FAM168B: variants seen among roughly 807,000 people sequenced by gnomAD.
FAM168B encodes the protein myelin-associated neurite-outgrowth inhibitor.
In FAM168B, 19 loss-of-function variants were observed where a neutral mutation model predicts 21.8. The ratio of observed to expected loss-of-function variants is 0.87; its 90% confidence interval spans 0.61 to 1.28. The LOEUF is 1.28. FAM168B is among the 50% of genes most tolerant of loss of function. FAM168B has a pLI of 0.00. For synonymous variants in FAM168B, 126 were observed against 104.8 expected (o/e 1.20, Z -1.24); for missense variants, 233 against 263.1 (o/e 0.89, Z 0.79).
chr2:131,064,380 T>TGAA (rs1692452734), intron 3 of FAM168B, among the ~76,000 whole-genome samples: 2 of 152,064 alleles, frequency 1.3e-5, no homozygotes, highest in South Asian at 4.1e-4. Context: ...AAACACAGCA[T>TGAA]CATGAAATTT....
At chr2:131,055,732 G>A in intron 3 of FAM168B, 37 bp from the exon 4 acceptor site, 1 of 1,603,848 alleles carries the variant, frequency 6.2e-7, no homozygotes, top group Non-Finnish European at 8.5e-7. Context: ...GTTCACCCAA[G>A]CCGGTCCAGG....
intron 3 of FAM168B, among the ~76,000 whole-genome samples, chr2:131,060,096 G>A (rs1163399103): frequency 6.6e-6 from 1 of 152,028 alleles, no homozygotes; most frequent in Non-Finnish European, 1.5e-5. Context: ...CACCATCTTG[G>A]CTCACTGCAA....
intron 3 of FAM168B, among the ~76,000 whole-genome samples, chr2:131,070,353 T>C (rs1220959291): frequency 6.6e-6 from 1 of 152,214 alleles, no homozygotes; most frequent in African/African-American, 2.4e-5. Context: ...AAGATACTGC[T>C]ACACATTCAC....
In FAM168B at chr2:131,048,861, G is replaced by A. The variant is rs1691464671; in HGVS notation, c.*3604C>T. ...CCACACCCCTGCCACCTGCTGCTGC[G>A]CCCAATGGAGGTCCTGTCCTGTCCG... On this transcript the variant is annotated 3_prime_UTR_variant, in exon 7 of 7. Transcript: ENST00000389915. 1.7e-5 allele frequency: 17 copies of A among 986,128 alleles called. No homozygotes were observed. The highest frequency in any genetic ancestry group is 2.0e-5 in the Non-Finnish European group (17 of 830,232). 61.1% of individuals were successfully genotyped at this position (986,128 alleles called of 1,614,324 possible).
In FAM168B at chr2:131,091,209, T is replaced by G. The variant is rs1295396392; in HGVS notation, c.-12+2005A>C. On this transcript the variant is annotated intron_variant, in intron 1 of 6. Transcript: ENST00000389915. Reference sequence around the variant, plus strand: ...CAAACATTACCTGGGCAGGGTGGCATGTGCCTGTAATCTCAGCTACTCCGG... The same window carrying G: ...CAAACATTACCTGGGCAGGGTGGCAGGTGCCTGTAATCTCAGCTACTCCGG... Among the ~76,000 whole-genome samples the G allele has an allele frequency of 2.0e-5, 3 of 152,082 alleles. No individual in the cohort carries two copies. The South Asian group carries it at 6.2e-4, about 32-fold the overall frequency.
chr2:131,054,290 T>C (rs1691876887), intron 5 of FAM168B, among the ~76,000 whole-genome samples: 1 of 151,098 alleles, frequency 6.6e-6, no homozygotes, highest in Admixed American at 6.6e-5. Context: ...CTGAGTTCTT[T>C]AAGAGAAATC....
At chr2:131,086,823 T>C (rs1324363198) in intron 1 of FAM168B, among the ~76,000 whole-genome samples, 1 of 95,108 alleles carries the variant, frequency 1.1e-5, no homozygotes, top group Non-Finnish European at 1.9e-5. Context: ...CCCAGCACTT[T>C]GGGAGGCCGA....
chr2:131,065,988 C>T (rs1285527911), intron 3 of FAM168B, among the ~76,000 whole-genome samples: 1 of 151,902 alleles, frequency 6.6e-6, no homozygotes, highest in Non-Finnish European at 1.5e-5. Flanking sequence ...CCAATTATTG[C>T]CCTTAGAATA....
chr2:131,092,241 T>C (rs1220826816), intron 1 of FAM168B, among the ~76,000 whole-genome samples: 1 of 151,772 alleles, frequency 6.6e-6, no homozygotes, highest in South Asian at 2.1e-4. Context: ...TCCACCAAAG[T>C]AAGCCTGCTT....
chr2:131,089,208 C>G (rs542414419), intron 1 of FAM168B, among the ~76,000 whole-genome samples: 1 of 151,846 alleles, frequency 6.6e-6, no homozygotes, highest in Non-Finnish European at 1.5e-5. Context: ...TCAGGTGATC[C>G]GCCAGTCTTG....
chr2:131,052,535 G>C, intron 6 of FAM168B, 83 bp from the exon 7 acceptor site: 1 of 1,017,728 alleles, frequency 9.8e-7, no homozygotes, highest in Non-Finnish European at 1.2e-6. Flanking sequence ...ATGAGGCCCA[G>C]CAGGGTCGGA....
At position 131,047,991 on chromosome 2, in the gene FAM168B, AAAATT is replaced by A. The variant is rs1206913616; in HGVS notation, c.*4469_*4473del. ...GAGCTCATCTCATCAGATTGCATAA[AAAATT>A]AAAATAGTATCAATTGACACCTAAC... is the stretch of plus-strand genomic sequence containing the variant. On this transcript the variant is annotated 3_prime_UTR_variant, in exon 7 of 7. Transcript: ENST00000389915. 1.1e-5 allele frequency: 3 copies of A among 278,792 alleles called. No individual in the cohort carries two copies. In the East Asian group the frequency reaches 2.8e-4, roughly 26 times the overall value. The allele number at this position is 278,792 out of a possible 1,614,324, so 17.3% of individuals were successfully genotyped here. A position where few individuals can be genotyped will look rare whatever the true frequency, so the allele number is the denominator to read the frequency against.
At chr2:131,062,709 A>C (rs955800104) in intron 3 of FAM168B, among the ~76,000 whole-genome samples, 1 of 152,148 alleles carries the variant, frequency 6.6e-6, no homozygotes, top group South Asian at 2.1e-4. Flanking sequence ...CGGCCTCCCA[A>C]AGTGCTGGGA....
chr2:131,088,881 A>T (rs1438320340), intron 1 of FAM168B, among the ~76,000 whole-genome samples: 4 of 152,216 alleles, frequency 2.6e-5, no homozygotes, highest in Non-Finnish European at 5.9e-5. Flanking sequence ...GTGCTACTAA[A>T]ATCTCCCTGC....
chr2:131,074,379 G>T (rs150979075), intron 2 of FAM168B, among the ~76,000 whole-genome samples: 1 of 152,012 alleles, frequency 6.6e-6, no homozygotes, highest in South Asian at 2.1e-4. Context: ...CGCCCTCCTC[G>T]GCCTCCCAAA....
At chr2:131,061,133 G>A (rs1487994562) in intron 3 of FAM168B, among the ~76,000 whole-genome samples, 1 of 144,460 alleles carries the variant, frequency 6.9e-6, no homozygotes, top group Non-Finnish European at 1.5e-5. Context: ...TGACAGGCGT[G>A]AGCCACCGCG....
At chr2:131,076,441 C>A (rs1357626487) in intron 2 of FAM168B, among the ~76,000 whole-genome samples, 1 of 151,872 alleles carries the variant, frequency 6.6e-6, no homozygotes, top group Non-Finnish European at 1.5e-5. Context: ...GCAGGTGGAT[C>A]ACGAGGTCAG....
chr2:131,091,529 C>T (rs751773366), intron 1 of FAM168B, among the ~76,000 whole-genome samples: 68 of 150,852 alleles, frequency 4.5e-4, no homozygotes, highest in Non-Finnish European at 8.6e-4. Context: ...TGCCTGTAAT[C>T]CCAGCTACTC....
In FAM168B at chr2:131,048,009, A is replaced by G. The variant is rs2105435614; in HGVS notation, c.*4456T>C. ...TGCATAAAAAATTAAAATAGTATCAATTGACACCTAACTGAACTGGCTCAG... is the reference window on the plus strand; with the variant it reads ...TGCATAAAAAATTAAAATAGTATCAGTTGACACCTAACTGAACTGGCTCAG... On this transcript the variant is annotated 3_prime_UTR_variant, in exon 7 of 7. Coordinates refer to ENST00000389915, the MANE Select transcript of FAM168B (RefSeq NM_001009993.4). 3.2e-6 allele frequency: 1 copy of G among 315,110 alleles called. No individual in the cohort carries two copies. The highest frequency in any genetic ancestry group is 3.5e-5 in the South Asian group (1 of 28,440). The allele number at this position is 315,110 out of a possible 1,614,324, so 19.5% of individuals were successfully genotyped here.
Sources: gnomAD v4.1 joint callset for allele counts (sites outside exome capture counted in the v4.1 genomes callset) on GRCh38, gnomAD v4.1.1 for gene constraint, MANE v1.5 for transcripts, NCBI Gene and HGNC (gene_info 2026-07-23, HGNC 2026-07-21) for gene names.